The following PHIP variants were observed in gnomAD, a reference collection of about 807,000 sequenced individuals.
PHIP encodes PH-interacting protein.
In PHIP, 54 loss-of-function variants were observed where a neutral mutation model predicts 236.8. That is an observed-to-expected ratio of 0.23 (90% confidence interval 0.18 to 0.29). PHIP has a LOEUF of 0.29. PHIP is among the 10% of genes least tolerant of loss of function. PHIP has a pLI of 1.00. For synonymous variants in PHIP, 756 were observed against 718.9 expected, an observed-to-expected ratio of 1.05 and a Z score of -0.83; for missense variants, 1,370 against 2,190.8, an observed-to-expected ratio of 0.63 and a Z score of 7.48.
At chr6:79,038,250 A>G (rs1033350139) in intron 7 of PHIP, among the ~76,000 whole-genome samples, 2 of 152,264 alleles carry the variant, frequency 1.3e-5, no homozygotes, top group Non-Finnish European at 2.9e-5. Context: ...GGCCAAGGCC[A>G]AAGTGCCAGT....
rs762866589 is a variant in PHIP, at chr6:79,019,113, T to C, written c.970A>G (p.Met324Val). 6.2e-7 allele frequency: 1 copy of C among 1,612,904 alleles called. No homozygotes were observed. The highest frequency in any genetic ancestry group is 1.1e-5 in the South Asian group (1 of 91,040). ...FTERPRPGVQ[M>V]ICSSFSAGGM... is the part of the protein sequence containing the mutation. ...CCAGCACTAAAAGAAGAACAGATCA[T>C]TTGAACTCCAGGCCGAGGGCGCTCT... Residue 324 changes from methionine to valine, a missense_variant, in exon 10 of 40, where the codon ATG becomes GTG. By Grantham distance (21) the Met-to-Val change is conservative. Transcript: ENST00000275034.
chr6:79,077,645 C>G, intron 3 of PHIP, 55 bp downstream of exon 3: 1 of 924,816 alleles, frequency 1.1e-6, no homozygotes, highest in Non-Finnish European at 1.3e-6. Context: ...GGCGGCGCAG[C>G]GGCCCAGAGG....
intron 15 of PHIP, among the ~76,000 whole-genome samples, chr6:79,008,496 C>T (rs1770415079): frequency 6.6e-6 from 1 of 152,012 alleles, no homozygotes; most frequent in Non-Finnish European, 1.5e-5. Flanking sequence ...CTGGGGAGAG[C>T]AATACTATTG....
chr6:78,996,579 C>T (rs747910512), intron 19 of PHIP, among the ~76,000 whole-genome samples: 8 of 152,152 alleles, frequency 5.3e-5, no homozygotes, highest in East Asian at 3.9e-4. Context: ...TAATTTATGA[C>T]GGATAACTGG....
At chr6:79,076,726 T>G (rs1000346649) in intron 4 of PHIP, among the ~76,000 whole-genome samples, 12 of 152,108 alleles carry the variant, frequency 7.9e-5, no homozygotes, top group African/African-American at 2.9e-4. Context: ...TAATTTTTAA[T>G]TAAACGAGAG....
chr6:78,970,736 A>G (rs369757642), intron 25 of PHIP, 45 bp downstream of exon 25: 44 of 1,253,768 alleles, frequency 3.5e-5, no homozygotes, highest in Middle Eastern at 2.5e-4. Context: ...TCCAAATTCC[A>G]TAATTGTATT....
At chr6:79,037,029 GT>G (rs1264324099) in intron 7 of PHIP, among the ~76,000 whole-genome samples, 1 of 150,122 alleles carries the variant, frequency 6.7e-6, no homozygotes, top group African/African-American at 2.5e-5. Context: ...CCCTATGTAA[GT>G]TGGGAAATCA....
At chr6:78,961,298 T>C (rs1339460218) in intron 31 of PHIP, among the ~76,000 whole-genome samples, 1 of 151,802 alleles carries the variant, frequency 6.6e-6, no homozygotes, top group Non-Finnish European at 1.5e-5. Context: ...ATACAAAATT[T>C]TTATTATATA....
At chr6:78,973,157 C>G (rs938388298) in intron 24 of PHIP, among the ~76,000 whole-genome samples, 2 of 152,036 alleles carry the variant, frequency 1.3e-5, no homozygotes, top group African/African-American at 4.8e-5. Flanking sequence ...AAGGGAAGCC[C>G]ATTAGACTAA....
chr6:79,026,981 A>G (rs994890635), intron 7 of PHIP, among the ~76,000 whole-genome samples: 60 of 152,240 alleles, frequency 3.9e-4, no homozygotes, highest in African/African-American at 1.4e-3. Context: ...AAGAGAAAAC[A>G]CACACTTTTG....
At chr6:78,949,620 C>T (rs1306090063) in intron 35 of PHIP, among the ~76,000 whole-genome samples, 1 of 152,086 alleles carries the variant, frequency 6.6e-6, no homozygotes, top group Non-Finnish European at 1.5e-5. Flanking sequence ...CAACCAAAAC[C>T]TAGCACTTCC....
intron 35 of PHIP, among the ~76,000 whole-genome samples, chr6:78,953,042 GT>G (rs893706696): frequency 3.5e-5 from 5 of 143,946 alleles, no homozygotes; most frequent in East Asian, 4.1e-4. Context: ...TATAGGTGTT[GT>G]TTTTTTTTTA....
chr6:79,008,300 AAAAAGG>A (rs1268954453), intron 15 of PHIP, among the ~76,000 whole-genome samples: 1 of 152,178 alleles, frequency 6.6e-6, no homozygotes, highest in Non-Finnish European at 1.5e-5. Context: ...TGCCAACATA[AAAAAGG>A]AAACTGCTGG....
chr6:79,061,654 C>T (rs1773385921), intron 4 of PHIP, among the ~76,000 whole-genome samples: 1 of 151,980 alleles, frequency 6.6e-6, no homozygotes, highest in South Asian at 2.1e-4. Flanking sequence ...TAATAGGTCT[C>T]CAATATGTTA....
intron 2 of PHIP, 42 bp from the exon 3 acceptor site, chr6:79,077,771 G>A: frequency 2.0e-6 from 2 of 977,064 alleles, no homozygotes; most frequent in Non-Finnish European, 1.2e-6. Context: ...CGCGCCCCGG[G>A]CCGCGGCCCC....
intron 16 of PHIP, 149 bp from the exon 17 acceptor site, chr6:79,002,273 A>G (rs1186433206): frequency 1.7e-6 from 1 of 589,964 alleles, no homozygotes; most frequent in African/African-American, 1.9e-5. Flanking sequence ...TTCCTGAATT[A>G]ATTGTAAATA....
chr6:79,073,213 A>G lies in PHIP; in HGVS notation c.189+4235T>C, dbSNP rs565388442. Among the ~76,000 whole-genome samples, 86 of 152,200 alleles carry G rather than the reference A, an allele frequency of 5.7e-4. 1 individual carries two copies. The highest frequency in any genetic ancestry group is 1.0e-3 in the South Asian group (5 of 4,830). ...TGCCTCAAATTTTAAAAAATGGTAT[A>G]AGCATCAATAGAATAATTCTATATG... On this transcript the variant is annotated intron_variant, in intron 4 of 39. Coordinates refer to ENST00000275034, the MANE Select transcript of PHIP (RefSeq NM_017934.7).
chr6:78,947,184 T>C (rs1773866292), intron 36 of PHIP, among the ~76,000 whole-genome samples: 2 of 152,186 alleles, frequency 1.3e-5, no homozygotes, highest in Admixed American at 1.3e-4. Flanking sequence ...TCCCAAATGT[T>C]TGAACCTGTT....
At chr6:78,994,798 C>A (rs1769505806) in intron 19 of PHIP, among the ~76,000 whole-genome samples, 1 of 152,142 alleles carries the variant, frequency 6.6e-6, no homozygotes, top group African/African-American at 2.4e-5. Context: ...AACATCGAGG[C>A]AAGACCCTTC....
Sources: allele counts gnomAD v4.1 joint callset (sites outside exome capture counted in the v4.1 genomes callset), GRCh38; gene constraint gnomAD v4.1.1; transcripts MANE v1.5; gene names NCBI Gene and HGNC (gene_info 2026-07-23, HGNC 2026-07-21).